The following FHIP2B variants were observed in gnomAD, a reference collection of about 807,000 sequenced individuals.
FHIP2B encodes the protein FHF complex subunit HOOK-interacting protein 2B.
In FHIP2B, 72 loss-of-function variants were observed where a neutral mutation model predicts 84.0. That is an observed-to-expected ratio of 0.86 (90% CI 0.71 to 1.04). The LOEUF (loss-of-function observed/expected upper bound fraction) is 1.04, where lower values mean the gene tolerates loss of function less well. FHIP2B is among the 50% of genes least tolerant of loss of function. The probability of loss-of-function intolerance (pLI) is 0.00; values close to 1 mark genes in which losing one functional copy is unlikely to be tolerated. For synonymous variants in FHIP2B, 497 were observed against 418.7 expected (o/e 1.19, Z -2.28); for missense variants, 972 against 968.9 (o/e 1.00, Z -0.04).
At chr8:22,100,107 C>T (rs1311555553) in intron 10 of FHIP2B, 13 of 538,442 alleles carry the variant, frequency 2.4e-5, no homozygotes, top group Non-Finnish European at 9.5e-6. Context: ...TGCTCTATCA[C>T]CCAGGCCCTG....
At chr8:22,102,763 A>C (rs1183812352) in intron 16 of FHIP2B, 30 bp from the exon 17 acceptor site, 2 of 1,610,720 alleles carry the variant, frequency 1.2e-6, no homozygotes, top group South Asian at 2.2e-5. Context: ...GCCCCCACCC[A>C]GCCATGCCCC....
intron 14 of FHIP2B, 99 bp downstream of exon 14, chr8:22,101,950 T>G (rs1826142913): frequency 1.3e-6 from 2 of 1,520,726 alleles, no homozygotes; most frequent in Non-Finnish European, 1.8e-6. Context: ...TTCGGTTCTT[T>G]GGTGCCACCC....
intron 3 of FHIP2B, 112 bp from the exon 4 acceptor site, chr8:22,097,404 G>A (rs1376266227): frequency 6.2e-6 from 4 of 649,580 alleles, no homozygotes; most frequent in South Asian, 5.6e-5. Flanking sequence ...CCAGGCATGC[G>A]GCAGGCAGGG....
chr8:22,099,479 CA>C, intron 9 of FHIP2B, 119 bp downstream of exon 9: 1 of 1,207,184 alleles, frequency 8.3e-7, no homozygotes, highest in Non-Finnish European at 1.2e-6. Context: ...TTGTGGACCC[CA>C]TTGGGTGATG....
chr8:22,094,912 C>T (rs771248200), intron 2 of FHIP2B: 1 of 1,075,774 alleles, frequency 9.3e-7, no homozygotes, highest in Non-Finnish European at 1.1e-6. Context: ...TCCCCTTTCC[C>T]CTGAGCCAGC....
Position 22,098,140 on chromosome 8 carries a change from G to T in FHIP2B, c.598G>T (p.Gly200Trp). ...CCTGCCTAAGGACACAACCAGCCACGGGGACAAGGACTGCTCCCACGATGG... is the reference window on the plus strand; with the variant it reads ...CCTGCCTAAGGACACAACCAGCCACTGGGACAAGGACTGCTCCCACGATGG... The part of the protein sequence containing the change: ...TALPKDTTSH[G>W]DKDCSHDGAP... The change falls in exon 6 of 17, where the codon GGG (glycine) becomes TGG (tryptophan). Residue 200 changes from glycine (G) to tryptophan (W), a missense_variant. Gly to Trp is a radical substitution (Grantham distance 184). Transcript: ENST00000289921. 6.3e-7 allele frequency: 1 copy of T among 1,581,450 alleles called. No individual in the cohort carries two copies. The highest frequency in any genetic ancestry group is 2.3e-5 in the East Asian group (1 of 42,932).
intron 1 of FHIP2B, among the ~76,000 whole-genome samples, chr8:22,091,225 T>G (rs1036045914): frequency 8.7e-5 from 13 of 149,480 alleles, no homozygotes; most frequent in Non-Finnish European, 8.9e-5. Flanking sequence ...TCTAACAGAT[T>G]AGGAATCATT....
intron 1 of FHIP2B, chr8:22,089,923 C>A: frequency 9.1e-7 from 1 of 1,095,450 alleles, no homozygotes; most frequent in Non-Finnish European, 1.2e-6. Context: ...GCAGATGTTT[C>A]CAGCGTGGCT....
Position 22,102,967 on chromosome 8 carries a change from C to A in FHIP2B, c.*36C>A. ...GGGCGGTGGGAGACTCCTGTCCACA[C>A]CTCTGCCCCAGAGCTGCCTCCTGCC... On this transcript the variant is annotated 3_prime_UTR_variant, in exon 17 of 17. Coordinates refer to ENST00000289921, the MANE Select transcript of FHIP2B (RefSeq NM_022749.7). 3 of 1,600,124 alleles carry A rather than the reference C, an allele frequency of 1.9e-6. No homozygotes were observed. Among genetic ancestry groups the A allele is most frequent in the Non-Finnish European group, 2.6e-6 (3 of 1,172,840 alleles).
At position 22,096,431 on chromosome 8, in the gene FHIP2B, G is replaced by A. The variant is rs371193923; in HGVS notation, c.219G>A (p.Ala73=). 219 of 1,555,824 alleles carry A rather than the reference G, an allele frequency of 1.4e-4. No homozygotes were observed. Among genetic ancestry groups the A allele is most frequent in the South Asian group, 3.4e-4 (29 of 84,104 alleles). Residue 73 remains alanine (A), a synonymous_variant, in exon 3 of 17, where the codon GCG becomes GCA. Transcript: ENST00000289921. ...ATGAAGAGCAGCAGCAGGCGGCCGC[G>A]GGTGAGGCAGGGCCCTGCCTGGAGT... ...LVYEEQQQAA[A]GEAGPCLEYL...
At chr8:22,098,392 A>G in intron 6 of FHIP2B, 31 bp from the exon 7 acceptor site, 1 of 1,556,848 alleles carries the variant, frequency 6.4e-7, no homozygotes, top group Admixed American at 1.8e-5. Context: ...GCTCACATGC[A>G]TGTCCCTGAA....
intron 1 of FHIP2B, among the ~76,000 whole-genome samples, chr8:22,091,332 A>T (rs1011826428): frequency 6.9e-6 from 1 of 144,506 alleles, no homozygotes; most frequent in African/African-American, 2.6e-5. Context: ...GCTGACTGCA[A>T]CCTCCACCTC....
intron 12 of FHIP2B, 75 bp downstream of exon 12, chr8:22,101,047 G>A (rs768164954): frequency 7.4e-5 from 112 of 1,503,706 alleles, no homozygotes; most frequent in Non-Finnish European, 9.3e-5. Flanking sequence ...ATAGAGTCTC[G>A]CTCCGTCACC....
At chr8:22,102,442 C>T in intron 15 of FHIP2B, 86 bp from the exon 16 acceptor site, 4 of 1,522,740 alleles carry the variant, frequency 2.6e-6, no homozygotes, top group Non-Finnish European at 3.5e-6. Flanking sequence ...AAAGCACAGT[C>T]TCCCATGCTC....
intron 1 of FHIP2B, among the ~76,000 whole-genome samples, chr8:22,092,188 C>T (rs915791661): frequency 6.6e-6 from 1 of 152,200 alleles, no homozygotes; most frequent in African/African-American, 2.4e-5. Flanking sequence ...GTCATCCCTC[C>T]CTCCCCATGT....
At position 22,102,359 on chromosome 8, in the gene FHIP2B, G is replaced by A. The variant is rs755038949; in HGVS notation, c.1992+44G>A. On this transcript the variant is annotated intron_variant, in intron 15 of 16. Transcript: ENST00000289921. ...AAGGGAGTGTGCCTAGTGAGGTGGA[G>A]GGGACATCAGGGAAAGGGAACGGGG... 5.6e-6 allele frequency: 9 copies of A among 1,603,936 alleles called. No homozygotes were observed. The Admixed American group carries it at 1.5e-4, about 27-fold the overall frequency.
chr8:22,093,176 G>C (rs1217032772), intron 1 of FHIP2B, among the ~76,000 whole-genome samples: 1 of 152,190 alleles, frequency 6.6e-6, no homozygotes, highest in Admixed American at 6.5e-5. Flanking sequence ...GATCCAGACA[G>C]TTAGTGGGAT....
chr8:22,101,214 G>C (rs1335197226), intron 12 of FHIP2B: 26 of 647,310 alleles, frequency 4.0e-5, no homozygotes, highest in Non-Finnish European at 6.3e-5. Context: ...GTAGAGACTG[G>C]GTTTCCCCAT....
chr8:22,098,430 G>A lies in FHIP2B; in HGVS notation c.776G>A (p.Arg259Gln), dbSNP rs200751092. The A allele has an allele frequency of 3.1e-6, 5 of 1,594,512 alleles. No individual in the cohort carries two copies. In the African/African-American group the frequency reaches 4.0e-5, roughly 13 times the overall value. ...LLGLCQSKKS[R>Q]VALKAQENLL... Reference sequence around the variant, plus strand: ...TGTATCCTCATCCCCTAGAAGAGTCGGGTGGCCTTGAAGGCCCAGGAGAAC... The same window carrying A: ...TGTATCCTCATCCCCTAGAAGAGTCAGGTGGCCTTGAAGGCCCAGGAGAAC... The change falls in exon 7 of 17, where the codon CGG becomes CAG. Residue 259 changes from arginine to glutamine, a missense_variant. Coordinates refer to ENST00000289921, the MANE Select transcript of FHIP2B (RefSeq NM_022749.7).
Sources: allele counts gnomAD v4.1 joint callset (sites outside exome capture counted in the v4.1 genomes callset), GRCh38; gene constraint gnomAD v4.1.1; transcripts MANE v1.5; gene names NCBI Gene and HGNC (gene_info 2026-07-23, HGNC 2026-07-21).